The following MACROD2 variants were observed in gnomAD, a reference collection of about 807,000 sequenced individuals.
The protein encoded by MACROD2 is ADP-ribose glycohydrolase MACROD2.
Under a neutral mutation model 70.4 loss-of-function variants are expected in MACROD2, and 36 were observed. That is an observed-to-expected ratio of 0.51 (90% CI 0.39 to 0.68). The LOEUF (loss-of-function observed/expected upper bound fraction) is 0.68, where lower values mean the gene tolerates loss of function less well. Ranked by LOEUF, MACROD2 falls within the 30% of genes least tolerant of loss-of-function variation. MACROD2 has a pLI of 0.00. For synonymous variants in MACROD2, 172 were observed against 178.8 expected (o/e 0.96, Z 0.30); for missense variants, 496 against 538.4 (o/e 0.92, Z 0.78).
At chr20:15,728,526 C>A (rs76401276) in intron 8 of MACROD2, among the ~76,000 whole-genome samples, 6,619 of 152,140 alleles carry the variant, frequency 0.044, 201 homozygotes, top group Middle Eastern at 0.068. Context: ...TTTGTCTGAT[C>A]CTGGGCTTTT....
intron 4 of MACROD2, among the ~76,000 whole-genome samples, chr20:14,600,750 C>T (rs1982445042): frequency 6.6e-6 from 1 of 152,174 alleles, no homozygotes; most frequent in Admixed American, 6.5e-5. Context: ...ACATCTGCTC[C>T]TGAGCAGGCT....
At chr20:15,328,508 G>C (rs2077957003) in intron 6 of MACROD2, among the ~76,000 whole-genome samples, 2 of 152,072 alleles carry the variant, frequency 1.3e-5, no homozygotes. Flanking sequence ...TACTTGTCTG[G>C]AGTTCTCATT....
intron 5 of MACROD2, among the ~76,000 whole-genome samples, chr20:14,694,450 C>G (rs994917797): frequency 6.6e-6 from 1 of 152,186 alleles, no homozygotes; most frequent in Non-Finnish European, 1.5e-5. Flanking sequence ...GGTACTGCCT[C>G]TCTTAGTCTC....
chr20:15,881,330 G>A (rs1242669211), intron 9 of MACROD2, among the ~76,000 whole-genome samples: 1 of 152,060 alleles, frequency 6.6e-6, no homozygotes, highest in Non-Finnish European at 1.5e-5. Flanking sequence ...AAAGCTTGGA[G>A]GCTACGAGTT....
chr20:14,394,235 A>C (rs1210879143), intron 3 of MACROD2, among the ~76,000 whole-genome samples: 1 of 152,204 alleles, frequency 6.6e-6, no homozygotes, highest in Non-Finnish European at 1.5e-5. Flanking sequence ...CAAGCCTTTC[A>C]ACCCATGAAG....
At chr20:14,850,082 C>T in intron 5 of MACROD2, 2 of 457,760 alleles carry the variant, frequency 4.4e-6, no homozygotes, top group South Asian at 1.7e-5. Flanking sequence ...ATACTTGTGG[C>T]CAAAATAACG....
At chr20:15,977,331 A>G (rs935298366) in intron 13 of MACROD2, among the ~76,000 whole-genome samples, 11 of 152,202 alleles carry the variant, frequency 7.2e-5, no homozygotes, top group African/African-American at 2.4e-4. Flanking sequence ...CTGAAGACAT[A>G]GCTATGAACC....
At position 14,654,682 on chromosome 20, in the gene MACROD2, A is replaced by G. The variant is rs1250253947; in HGVS notation, c.302-30161A>G. On this transcript the variant is annotated intron_variant, in intron 4 of 17. Coordinates refer to ENST00000684519, the MANE Select transcript of MACROD2 (RefSeq NM_001351661.2). ...TTTAAAATACAATTTTCTGACACCT[A>G]TTTTGGTCTGGCAGTTCATCTGAAA... 2.6e-5 allele frequency among the ~76,000 whole-genome samples: 4 copies of G among 152,166 alleles called. No individual in the cohort carries two copies. The East Asian group carries it at 7.7e-4, about 29-fold the overall frequency.
chr20:15,761,014 C>T (rs546585251), intron 8 of MACROD2, among the ~76,000 whole-genome samples: 9 of 152,118 alleles, frequency 5.9e-5, no homozygotes, highest in East Asian at 1.9e-4. Flanking sequence ...AAATATACTG[C>T]GTACAGTCAT....
intron 8 of MACROD2, among the ~76,000 whole-genome samples, chr20:15,713,987 G>GCATACACGCACACA (rs2050667363): frequency 8.5e-6 from 1 of 117,698 alleles, no homozygotes; most frequent in African/African-American, 2.8e-5. Context: ...ACACACATAT[G>GCATACACGCACACA]CACACACACA....
intron 3 of MACROD2, among the ~76,000 whole-genome samples, chr20:14,316,513 T>C (rs1207297105): frequency 6.6e-6 from 1 of 152,234 alleles, no homozygotes; most frequent in Non-Finnish European, 1.5e-5. Flanking sequence ...TGGCTTTGAA[T>C]GTGGCCCAAC....
At chr20:14,179,308 C>T (rs2148729965) in intron 3 of MACROD2, among the ~76,000 whole-genome samples, 1 of 152,214 alleles carries the variant, frequency 6.6e-6, no homozygotes, top group South Asian at 2.1e-4. Context: ...CTGAGATTTT[C>T]TTTGTAACTG....
chr20:15,484,335 G>A (rs193035787), intron 7 of MACROD2, among the ~76,000 whole-genome samples: 12 of 152,268 alleles, frequency 7.9e-5, no homozygotes, highest in Non-Finnish European at 1.8e-4. Context: ...GGGAGGGGAA[G>A]TATTATATAG....
intron 5 of MACROD2, among the ~76,000 whole-genome samples, chr20:15,043,077 C>T (rs1461135772): frequency 6.6e-6 from 1 of 152,108 alleles, no homozygotes; most frequent in East Asian, 1.9e-4. Context: ...GTCCTTCATT[C>T]CTATCTATGT....
intron 5 of MACROD2, among the ~76,000 whole-genome samples, chr20:14,805,176 A>G (rs987635842): frequency 6.6e-6 from 1 of 152,072 alleles, no homozygotes; most frequent in Non-Finnish European, 1.5e-5. Context: ...CTCCTGTGGT[A>G]TAATGGTTGC....
chr20:15,727,126 T>C (rs971001366), intron 8 of MACROD2, among the ~76,000 whole-genome samples: 4 of 152,196 alleles, frequency 2.6e-5, no homozygotes, highest in African/African-American at 9.6e-5. Flanking sequence ...TTGTATATGC[T>C]ATAAGGAAGG....
At chr20:15,658,809 T>C (rs569295680) in intron 8 of MACROD2, among the ~76,000 whole-genome samples, 16 of 152,150 alleles carry the variant, frequency 1.1e-4, no homozygotes, top group Admixed American at 6.5e-4. Context: ...TGGTTTTTGC[T>C]AAAGAGACCC....
intron 5 of MACROD2, among the ~76,000 whole-genome samples, chr20:14,744,282 T>C (rs1467332998): frequency 6.6e-6 from 1 of 152,200 alleles, no homozygotes; most frequent in Non-Finnish European, 1.5e-5. Context: ...TATAAGATCA[T>C]AGAAGCTATG....
intron 8 of MACROD2, among the ~76,000 whole-genome samples, chr20:15,795,671 T>C (rs2063666338): frequency 1.3e-5 from 2 of 152,200 alleles, no homozygotes; most frequent in Admixed American, 6.5e-5. Context: ...GTGGCTTGTC[T>C]TGGGAGTCTG....
Sources: allele counts gnomAD v4.1 joint callset (sites outside exome capture counted in the v4.1 genomes callset), GRCh38; gene constraint gnomAD v4.1.1; transcripts MANE v1.5; gene names NCBI Gene and HGNC (gene_info 2026-07-23, HGNC 2026-07-21).